The following RPA2 variants were observed in gnomAD, a reference collection of about 807,000 sequenced individuals.
RPA2 encodes the protein replication protein A 32 kDa subunit.
A neutral mutation model predicts 33.4 loss-of-function variants in RPA2; 22 were observed. That is an observed-to-expected ratio of 0.66 (90% CI 0.47 to 0.94). The LOEUF (loss-of-function observed/expected upper bound fraction) is 0.94, where lower values mean the gene tolerates loss of function less well. Ranked by LOEUF, RPA2 falls within the 40% of genes least tolerant of loss-of-function variation. The pLI, the probability that RPA2 is intolerant of heterozygous loss-of-function variation, is 0.00. For missense variants in RPA2, 279 were observed against 329.9 expected, an observed-to-expected ratio of 0.85 and a Z score of 1.19; for synonymous variants, 109 against 114.9, an observed-to-expected ratio of 0.95 and a Z score of 0.33.
At chr1:27,898,572 G>A (rs1247748998) in intron 4 of RPA2, among the ~76,000 whole-genome samples, 1 of 144,474 alleles carries the variant, frequency 6.9e-6, no homozygotes, top group African/African-American at 2.6e-5. Flanking sequence ...GAGACGAAGT[G>A]TCTTGCTCTG....
intron 4 of RPA2, among the ~76,000 whole-genome samples, chr1:27,898,185 T>C (rs999285530): frequency 5.3e-5 from 8 of 152,146 alleles, no homozygotes; most frequent in African/African-American, 1.9e-4. Flanking sequence ...CTGGTGGATA[T>C]ACTTATTGGC....
intron 8 of RPA2, among the ~76,000 whole-genome samples, chr1:27,893,256 T>C (rs1571601954): frequency 6.6e-6 from 1 of 152,216 alleles, no homozygotes; most frequent in Non-Finnish European, 1.5e-5. Context: ...CATAGTCTTT[T>C]TCCTATTTTT....
chr1:27,898,479 G>A (rs911877339), intron 4 of RPA2, among the ~76,000 whole-genome samples: 3 of 151,514 alleles, frequency 2.0e-5, no homozygotes, highest in Admixed American at 6.6e-5. Flanking sequence ...AATTAAAAAC[G>A]ATTTTAATAC....
At position 27,897,724 on chromosome 1, in the gene RPA2, A is replaced by C; in HGVS notation, c.334-17T>G. Reference sequence around the variant, plus strand: ...GCTGGTGTCCTAACATAAAATACAAACATGTCATTAAAGTTTTAGTGATGC... The same window carrying C: ...GCTGGTGTCCTAACATAAAATACAACCATGTCATTAAAGTTTTAGTGATGC... On this transcript the variant is annotated splice_polypyrimidine_tract_variant and intron_variant, in intron 4 of 8. Coordinates refer to ENST00000373912, the MANE Select transcript of RPA2 (RefSeq NM_002946.5). The C allele has an allele frequency of 6.4e-7, 1 of 1,554,518 alleles. No homozygotes were observed.
chr1:27,910,496 AAAAAT>A (rs1318741173), intron 2 of RPA2, among the ~76,000 whole-genome samples: 10 of 152,214 alleles, frequency 6.6e-5, no homozygotes, highest in African/African-American at 2.4e-4. Flanking sequence ...AAGTGTCAAT[AAAAAT>A]ATGCTTAATT....
At chr1:27,904,288 A>G (rs2090001989) in intron 4 of RPA2, among the ~76,000 whole-genome samples, 1 of 152,210 alleles carries the variant, frequency 6.6e-6, no homozygotes, top group South Asian at 2.1e-4. Flanking sequence ...CTGTATGTAC[A>G]TATATGCAGA....
intron 6 of RPA2, among the ~76,000 whole-genome samples, chr1:27,894,658 G>A (rs1364197212): frequency 6.6e-6 from 1 of 152,132 alleles, no homozygotes; most frequent in African/African-American, 2.4e-5. Flanking sequence ...ACGAACCAGA[G>A]AAGAGTAGCA....
At chr1:27,895,662 C>T (rs1461053064) in intron 6 of RPA2, among the ~76,000 whole-genome samples, 2 of 151,916 alleles carry the variant, frequency 1.3e-5, no homozygotes, top group Non-Finnish European at 2.9e-5. Flanking sequence ...ACCCGGGAGG[C>T]GGAGCTTGCA....
chr1:27,896,397 G>A (rs1038079135), intron 6 of RPA2, among the ~76,000 whole-genome samples: 15 of 151,918 alleles, frequency 9.9e-5, no homozygotes, highest in African/African-American at 3.1e-4. Flanking sequence ...CTTGAACTGG[G>A]CTCAAGTGAT....
At chr1:27,892,270 A>G in intron 8 of RPA2, 23 bp from the exon 9 acceptor site, 1 of 1,607,416 alleles carries the variant, frequency 6.2e-7, no homozygotes, top group East Asian at 2.2e-5. Context: ...AAGAAAAAAA[A>G]AAGGTCATTT....
intron 4 of RPA2, among the ~76,000 whole-genome samples, chr1:27,898,676 G>C (rs1011979898): frequency 2.0e-5 from 3 of 151,518 alleles, no homozygotes; most frequent in Non-Finnish European, 2.9e-5. Context: ...CTCCCAAATA[G>C]CTGGGACTAT....
chr1:27,905,510 C>A (rs1292820087), intron 4 of RPA2, among the ~76,000 whole-genome samples: 1 of 151,962 alleles, frequency 6.6e-6, no homozygotes, highest in African/African-American at 2.4e-5. Context: ...AGGCTGGATT[C>A]GAACTCCTGA....
chr1:27,914,288 C>T (rs779212793), intron 1 of RPA2, 119 bp from the exon 2 acceptor site: 5 of 1,603,108 alleles, frequency 3.1e-6, no homozygotes, highest in Non-Finnish European at 3.4e-6. Flanking sequence ...TTCCTCGCCG[C>T]CTTCCTGCGG....
chr1:27,904,424 G>A (rs1289669633), intron 4 of RPA2, among the ~76,000 whole-genome samples: 2 of 152,102 alleles, frequency 1.3e-5, no homozygotes, highest in Non-Finnish European at 2.9e-5. Flanking sequence ...TGAACAAGTA[G>A]TATTAGGTAT....
At chr1:27,895,462 C>T (rs776135412) in intron 6 of RPA2, among the ~76,000 whole-genome samples, 1 of 151,424 alleles carries the variant, frequency 6.6e-6, no homozygotes, top group South Asian at 2.1e-4. Flanking sequence ...CCTGTAATCC[C>T]AGCACTTTGA....
At chr1:27,893,082 G>A (rs1472627844) in intron 8 of RPA2, among the ~76,000 whole-genome samples, 2 of 152,150 alleles carry the variant, frequency 1.3e-5, no homozygotes, top group East Asian at 3.8e-4. Context: ...ACAGCAACAG[G>A]ACTGTACACC....
At chr1:27,905,454 C>T (rs529567292) in intron 4 of RPA2, among the ~76,000 whole-genome samples, 7 of 152,056 alleles carry the variant, frequency 4.6e-5, no homozygotes, top group South Asian at 4.2e-4. Flanking sequence ...GAACCACGCC[C>T]GGCTAATTTT....
intron 2 of RPA2, among the ~76,000 whole-genome samples, chr1:27,910,734 C>T (rs1369675754): frequency 6.6e-6 from 1 of 152,150 alleles, no homozygotes; most frequent in African/African-American, 2.4e-5. Context: ...GTGCTGCACA[C>T]CTGTAATCCT....
At chr1:27,911,826 C>T (rs1322185182) in intron 2 of RPA2, among the ~76,000 whole-genome samples, 1 of 152,162 alleles carries the variant, frequency 6.6e-6, no homozygotes, top group African/African-American at 2.4e-5. Context: ...GGCACGGTGG[C>T]TCACACCTGT....
Sources: allele counts gnomAD v4.1 joint callset (sites outside exome capture counted in the v4.1 genomes callset), GRCh38; gene constraint gnomAD v4.1.1; transcripts MANE v1.5; gene names NCBI Gene and HGNC (gene_info 2026-07-23, HGNC 2026-07-21).